Variants in PKHD1 observed in about 807,000 individuals in gnomAD.
PKHD1 encodes PKHD1 ciliary IPT domain containing fibrocystin/polyductin, also known as fibrocystin.
In PKHD1, 291 loss-of-function variants were observed where a neutral mutation model predicts 412.0. The observed-to-expected ratio is 0.71, with a 90% CI of 0.64 to 0.78. The LOEUF (loss-of-function observed/expected upper bound fraction) is 0.78. Ranked by LOEUF, PKHD1 falls within the 30% of genes least tolerant of loss-of-function variation. The pLI, the probability that PKHD1 is intolerant of heterozygous loss-of-function variation, is 0.00. For missense variants in PKHD1, 4,825 were observed against 4,950.7 expected, an observed-to-expected ratio of 0.97 and a Z score of 0.76; for synonymous variants, 1,777 against 1,821.5, an observed-to-expected ratio of 0.98 and a Z score of 0.62.
intron 36 of PKHD1, among the ~76,000 whole-genome samples, chr6:51,940,505 T>C (rs1282543367): frequency 1.3e-5 from 2 of 151,600 alleles, no homozygotes; most frequent in Non-Finnish European, 3.0e-5. Flanking sequence ...CAGCCCGGGA[T>C]TCCTCCTAAG....
intron 55 of PKHD1, among the ~76,000 whole-genome samples, chr6:51,766,737 T>C (rs1463631686): frequency 2.6e-5 from 4 of 151,980 alleles, no homozygotes; most frequent in Non-Finnish European, 5.9e-5. Context: ...TTAGGGTACA[T>C]GTGCACAGGG....
chr6:51,924,930 G>A (rs978228383), intron 37 of PKHD1, among the ~76,000 whole-genome samples: 1 of 152,208 alleles, frequency 6.6e-6, no homozygotes, highest in Admixed American at 6.5e-5. Flanking sequence ...TACATTACAT[G>A]TTTTGTTTCA....
intron 65 of PKHD1, among the ~76,000 whole-genome samples, chr6:51,631,252 T>C (rs552505712): frequency 1.3e-5 from 2 of 152,270 alleles, no homozygotes; most frequent in African/African-American, 2.4e-5. Flanking sequence ...TGAATGTAGA[T>C]AGAACTTTAA....
rs1299716036 is a variant in PKHD1, at chr6:52,024,780, A to G, written c.5030T>C (p.Ile1677Thr). The G allele has an allele frequency of 1.9e-6, 3 of 1,614,202 alleles. No homozygotes were observed. The highest frequency in any genetic ancestry group is 4.5e-5 in the East Asian group (2 of 44,882). ...AATGTCAATGTTTGCAGCTCCTGAG[A>G]TCTGGGCCACTGCAAAGGTTAAGAT... Reference protein sequence around the residue: ...DDILTFAVAQISGAANIDIFI... With the variant: ...DDILTFAVAQTSGAANIDIFI... The change falls in exon 32 of 67, where the codon ATC becomes ACC. Residue 1677 changes from isoleucine to threonine, a missense_variant. By Grantham distance (89) the Ile-to-Thr change is moderately conservative (BLOSUM62 -1). Coordinates refer to ENST00000371117, the MANE Select transcript of PKHD1 (RefSeq NM_138694.4).
chr6:51,732,388 T>C (rs1363992745), intron 60 of PKHD1, among the ~76,000 whole-genome samples: 2 of 152,112 alleles, frequency 1.3e-5, no homozygotes, highest in Non-Finnish European at 2.9e-5. Context: ...AAATCATATG[T>C]CTAGTAAAGG....
At chr6:51,887,391 T>TG (rs1778386857) in intron 43 of PKHD1, 146 bp from the exon 44 acceptor site, 2 of 650,904 alleles carry the variant, frequency 3.1e-6, no homozygotes, top group East Asian at 5.7e-5. Flanking sequence ...TCATTTATTC[T>TG]TTTTTTTTCC....
At chr6:52,059,633 A>G (rs1315397134) in intron 15 of PKHD1, among the ~76,000 whole-genome samples, 2 of 152,170 alleles carry the variant, frequency 1.3e-5, no homozygotes, top group East Asian at 3.8e-4. Flanking sequence ...TATACACACA[A>G]ACACATACAT....
chr6:51,721,440 A>T (rs1781914808), intron 60 of PKHD1: 1 of 678,476 alleles, frequency 1.5e-6, no homozygotes, highest in South Asian at 6.7e-5. Context: ...TATAATTGGT[A>T]AAGAAGAGAG....
intron 40 of PKHD1, 88 bp from the exon 41 acceptor site, chr6:51,906,428 A>C: frequency 1.0e-6 from 1 of 959,824 alleles, no homozygotes; most frequent in Non-Finnish European, 1.7e-6. Context: ...GTAGCTAAAG[A>C]CATTCTCCCA....
intron 35 of PKHD1, among the ~76,000 whole-genome samples, chr6:51,963,126 A>C (rs1792319899): frequency 6.6e-6 from 1 of 152,094 alleles, no homozygotes; most frequent in Non-Finnish European, 1.5e-5. Flanking sequence ...TAAGACCTTA[A>C]AAATGCTATA....
chr6:51,702,780 T>A, intron 60 of PKHD1, among the ~76,000 whole-genome samples: 1 of 150,824 alleles, frequency 6.6e-6, no homozygotes, highest in Non-Finnish European at 1.5e-5. Context: ...TGTCATCAAA[T>A]AAGAAATTAA....
At chr6:51,686,659 T>C (rs1424009772) in intron 60 of PKHD1, among the ~76,000 whole-genome samples, 1 of 152,228 alleles carries the variant, frequency 6.6e-6, no homozygotes, top group Non-Finnish European at 1.5e-5. Flanking sequence ...CTAAGTAAGC[T>C]AAGAAAGTAA....
intron 54 of PKHD1, among the ~76,000 whole-genome samples, chr6:51,774,664 T>C (rs76016371): frequency 0.017 from 2,580 of 152,052 alleles, 66 homozygotes; most frequent in African/African-American, 0.059. Flanking sequence ...AGAAACTTCA[T>C]ACTAGCTTAA....
At chr6:51,855,184 C>T (rs1773060831) in intron 49 of PKHD1, among the ~76,000 whole-genome samples, 1 of 152,102 alleles carries the variant, frequency 6.6e-6, no homozygotes, top group Non-Finnish European at 1.5e-5. Flanking sequence ...GTGTGGCTCT[C>T]AGGTGGGCCA....
At chr6:51,967,586 C>CA (rs1263468566) in intron 35 of PKHD1, among the ~76,000 whole-genome samples, 4 of 152,094 alleles carry the variant, frequency 2.6e-5, no homozygotes, top group Non-Finnish European at 5.9e-5. Context: ...TTTTAGTACA[C>CA]AATAAGCCAG....
chr6:52,002,095 A>C (rs1798472736), intron 35 of PKHD1, among the ~76,000 whole-genome samples: 2 of 152,208 alleles, frequency 1.3e-5, no homozygotes, highest in South Asian at 4.1e-4. Context: ...AATTTGCCCA[A>C]AGTTATATAA....
intron 62 of PKHD1, among the ~76,000 whole-genome samples, chr6:51,648,784 T>C (rs925971461): frequency 6.6e-6 from 1 of 152,220 alleles, no homozygotes; most frequent in African/African-American, 2.4e-5. Context: ...TCTACTTCTT[T>C]GTGAAGGCTA....
rs748448787 is a variant in PKHD1 at position 51,904,051 on chromosome 6, A to G, written c.6809-9T>C. On this transcript the variant is annotated splice_polypyrimidine_tract_variant and intron_variant, in intron 41 of 66. Transcript: ENST00000371117. The stretch of plus-strand genomic sequence containing the variant: ...CATCTCCGTGCATGTCCCTGAGAAC[A>G]AAAGACCCCATTACTTGAGTATATT... 1.9e-6 allele frequency: 3 copies of G among 1,571,800 alleles called. No homozygotes were observed. The highest frequency in any genetic ancestry group is 2.6e-6 in the Non-Finnish European group (3 of 1,141,764).
At chr6:51,860,558 G>A (rs916427209) in intron 48 of PKHD1, among the ~76,000 whole-genome samples, 4 of 152,178 alleles carry the variant, frequency 2.6e-5, no homozygotes, top group Admixed American at 2.6e-4. Context: ...GGAGCCAAGG[G>A]AGTCTGCATG....
Sources: allele counts gnomAD v4.1 joint callset (sites outside exome capture counted in the v4.1 genomes callset), GRCh38; gene constraint gnomAD v4.1.1; transcripts MANE v1.5; gene names NCBI Gene and HGNC (gene_info 2026-07-23, HGNC 2026-07-21).